Variants in SUDS3 observed in about 807,000 individuals in gnomAD.
The protein encoded by SUDS3 is sin3 histone deacetylase corepressor complex component SDS3.
In SUDS3, 23 loss-of-function variants were observed where a neutral mutation model predicts 53.5. The ratio of observed to expected loss-of-function variants is 0.43; its 90% CI spans 0.31 to 0.61. SUDS3 has a LOEUF of 0.61. Among genes scored for constraint, SUDS3 ranks in the 20% least tolerant of loss-of-function variants. The pLI, the probability that SUDS3 is intolerant of heterozygous loss-of-function variation, is 0.10. For synonymous variants in SUDS3, 150 were observed against 148.5 expected (o/e 1.01, Z -0.08); for missense variants, 291 against 405.9 (o/e 0.72, Z 2.43).
At chr12:118,382,165 G>A (rs2046070717) in intron 2 of SUDS3, among the ~76,000 whole-genome samples, 1 of 151,794 alleles carries the variant, frequency 6.6e-6, no homozygotes, top group African/African-American at 2.4e-5. Flanking sequence ...TAAGCCTCCT[G>A]AGTAGCTGGG....
At chr12:118,407,720 GTTTT>G (rs398055978) in intron 10 of SUDS3, among the ~76,000 whole-genome samples, 1 of 137,118 alleles carries the variant, frequency 7.3e-6, no homozygotes, top group Non-Finnish European at 1.6e-5. Flanking sequence ...GTTATTTTTG[GTTTT>G]TTTTTTTTTT....
At chr12:118,382,956 C>T (rs561089065) in intron 2 of SUDS3, among the ~76,000 whole-genome samples, 2 of 152,218 alleles carry the variant, frequency 1.3e-5, no homozygotes, top group East Asian at 1.9e-4. Context: ...GCGTGAGCCA[C>T]CTTGCCTGGC....
Position 118,384,060 on chromosome 12 carries a change from G to C in SUDS3, c.261G>C (p.Leu87=). 1.9e-6 allele frequency: 3 copies of C among 1,613,522 alleles called. No individual in the cohort carries two copies. Among genetic ancestry groups the C allele is most frequent in the Non-Finnish European group, 2.5e-6 (3 of 1,179,720 alleles). Residue 87 remains leucine, a synonymous_variant, in exon 3 of 12, where the codon CTG becomes CTC. Coordinates refer to ENST00000543473, the MANE Select transcript of SUDS3 (RefSeq NM_022491.3). The part of the protein sequence containing the change: ...LASLKRQLQQ[L]QEGTLQEYQK... ...CTCTCAAGAGGCAGTTGCAACAACT[G>C]CAAGAAGGTTGGTGTGTGATTGAAT...
At chr12:118,398,614 CTT>C (rs375288763) in intron 6 of SUDS3, among the ~76,000 whole-genome samples, 13,258 of 113,128 alleles carry the variant, frequency 0.12, 556 homozygotes, top group Middle Eastern at 0.21. Flanking sequence ...ATGCAGAAGC[CTT>C]TTTTTTTTTT....
At chr12:118,414,254 C>A in intron 11 of SUDS3, 81 bp from the exon 12 acceptor site, 1 of 1,022,530 alleles carries the variant, frequency 9.8e-7, no homozygotes, top group Non-Finnish European at 1.4e-6. Context: ...GCATCTCACT[C>A]GTGCAGATAT....
At chr12:118,377,987 A>G (rs1172879353) in intron 1 of SUDS3, among the ~76,000 whole-genome samples, 1 of 152,226 alleles carries the variant, frequency 6.6e-6, no homozygotes, top group African/African-American at 2.4e-5. Context: ...ATGACATACA[A>G]AGTTGAGGGA....
intron 6 of SUDS3, among the ~76,000 whole-genome samples, chr12:118,396,296 C>T (rs1401248941): frequency 6.6e-6 from 1 of 152,184 alleles, no homozygotes; most frequent in Non-Finnish European, 1.5e-5. Flanking sequence ...TGCTCTGCCA[C>T]CCAGGTTGGA....
In SUDS3 at chr12:118,376,696, G is replaced by C; in HGVS notation, c.5G>C (p.Ser2Thr). The change falls in exon 1 of 12, where the codon AGT (serine) becomes ACT (threonine). Residue 2 changes from serine to threonine, a missense_variant. Physicochemically the swap from Ser to Thr is moderately conservative, Grantham distance 58. Around this residue, in one of 4 missense-constraint regions of SUDS3, gnomAD observed 149 missense variants for 146.5 expected, o/e 1.02. Coordinates refer to ENST00000543473, the MANE Select transcript of SUDS3 (RefSeq NM_022491.3). M[S>T]AAGLLAPAPA... is the part of the protein sequence containing the mutation. ...TCAGCTGCGGTCAGAGGCGACATGA[G>C]TGCCGCGGGGCTGCTGGCCCCGGCC... The C allele has an allele frequency of 2.0e-6, 3 of 1,509,980 alleles. No homozygotes were observed. Among genetic ancestry groups the C allele is most frequent in the Non-Finnish European group, 2.6e-6 (3 of 1,136,338 alleles). 93.5% of individuals were successfully genotyped at this position (1,509,980 alleles called of 1,614,324 possible). A position where few individuals can be genotyped will look rare whatever the true frequency, so the allele number is the denominator to read the frequency against.
intron 6 of SUDS3, among the ~76,000 whole-genome samples, chr12:118,397,227 C>G (rs2046224270): frequency 6.6e-6 from 1 of 152,096 alleles, no homozygotes; most frequent in African/African-American, 2.4e-5. Flanking sequence ...GGTGTCTTCT[C>G]TGGGGTTGTC....
chr12:118,409,658 A>T (rs1264639096), intron 10 of SUDS3, among the ~76,000 whole-genome samples: 1 of 152,236 alleles, frequency 6.6e-6, no homozygotes, highest in African/African-American at 2.4e-5. Context: ...CTTTGCTGGG[A>T]GATGTGTTTT....
At chr12:118,403,242 A>G (rs1421519902) in intron 9 of SUDS3, among the ~76,000 whole-genome samples, 170 bp from the exon 10 acceptor site, 1 of 152,130 alleles carries the variant, frequency 6.6e-6, no homozygotes. Flanking sequence ...TTGATGATCA[A>G]GTTTAGATGG....
chr12:118,411,343 C>T (rs1004663669), intron 11 of SUDS3, among the ~76,000 whole-genome samples, 186 bp downstream of exon 11: 2 of 152,156 alleles, frequency 1.3e-5, no homozygotes, highest in African/African-American at 4.8e-5. Flanking sequence ...TCCTTACATT[C>T]GCTTGACTAC....
At chr12:118,411,230 A>G (rs915029746) in intron 11 of SUDS3, 73 bp downstream of exon 11, 5 of 1,371,242 alleles carry the variant, frequency 3.6e-6, no homozygotes, top group South Asian at 2.5e-5. Context: ...CAAACCTGAA[A>G]TGAAAGTGCC....
intron 4 of SUDS3, among the ~76,000 whole-genome samples, chr12:118,387,045 T>TGGAGTGA (rs1228342061): frequency 1.3e-5 from 2 of 152,168 alleles, no homozygotes; most frequent in Non-Finnish European, 2.9e-5. Flanking sequence ...CATCTTTCAT[T>TGGAGTGA]CTGGGCCAGT....
chr12:118,399,277 G>A (rs989546808), intron 6 of SUDS3, among the ~76,000 whole-genome samples: 3 of 152,108 alleles, frequency 2.0e-5, no homozygotes, highest in Non-Finnish European at 2.9e-5. Context: ...TGAGGAGGGC[G>A]GATCACTTGA....
At chr12:118,392,041 A>G (rs966797215) in intron 6 of SUDS3, among the ~76,000 whole-genome samples, 6 of 152,360 alleles carry the variant, frequency 3.9e-5, no homozygotes, top group African/African-American at 7.2e-5. Context: ...ATGTAGACTG[A>G]TGATTCCTAG....
intron 2 of SUDS3, 70 bp from the exon 3 acceptor site, chr12:118,383,942 G>GT: frequency 7.1e-7 from 1 of 1,414,022 alleles, no homozygotes; most frequent in Non-Finnish European, 9.8e-7. Flanking sequence ...GCTAATTTCT[G>GT]TGAGTAGGTT....
At chr12:118,391,422 C>T in intron 6 of SUDS3, 140 bp downstream of exon 6, 1 of 941,472 alleles carries the variant, frequency 1.1e-6, no homozygotes, top group Non-Finnish European at 1.6e-6. Flanking sequence ...AGAGTTCCTC[C>T]TCCACCTTCT....
intron 2 of SUDS3, among the ~76,000 whole-genome samples, chr12:118,382,353 T>C (rs2046073593): frequency 1.3e-5 from 1 of 79,280 alleles, no homozygotes; most frequent in Non-Finnish European, 2.2e-5. Flanking sequence ...AGGCCACTTT[T>C]TTTTGAGACA....
Sources: allele counts gnomAD v4.1 joint callset (sites outside exome capture counted in the v4.1 genomes callset), GRCh38; gene constraint gnomAD v4.1.1; regional missense constraint gnomAD v4.1.1; transcripts MANE v1.5; gene names NCBI Gene and HGNC (gene_info 2026-07-23, HGNC 2026-07-21).